The following PLA2G4A variants were observed in gnomAD, a reference collection of about 807,000 sequenced individuals.
PLA2G4A encodes the protein phospholipase A2 group IVA.
In PLA2G4A, 40 loss-of-function variants were observed where a neutral mutation model predicts 81.9. The observed-to-expected ratio is 0.49, with a 90% CI of 0.38 to 0.64. The LOEUF is 0.64. Among genes scored for constraint, PLA2G4A ranks in the 30% least tolerant of loss-of-function variants. The pLI is 0.00. For synonymous variants in PLA2G4A, 302 were observed against 296.9 expected (o/e 1.02, Z -0.18); for missense variants, 715 against 905.1 (o/e 0.79, Z 2.69).
chr1:186,875,305 A>G (rs1558389313), intron 3 of PLA2G4A, among the ~76,000 whole-genome samples: 4 of 152,086 alleles, frequency 2.6e-5, no homozygotes. Context: ...TGAATACATT[A>G]ATACTGTTTA....
chr1:186,852,873 A>T (rs900950693), intron 1 of PLA2G4A, among the ~76,000 whole-genome samples: 1 of 152,106 alleles, frequency 6.6e-6, no homozygotes, highest in Admixed American at 6.6e-5. Context: ...CAAAACAAAG[A>T]TTATAGTAAT....
chr1:186,856,857 T>C (rs984438420), intron 2 of PLA2G4A, among the ~76,000 whole-genome samples: 2 of 151,230 alleles, frequency 1.3e-5, no homozygotes, highest in Non-Finnish European at 2.9e-5. Context: ...ATGACTTTTC[T>C]GAATTGGAAA....
intron 2 of PLA2G4A, among the ~76,000 whole-genome samples, chr1:186,868,231 T>G (rs2102054669): frequency 6.6e-6 from 1 of 151,928 alleles, no homozygotes; most frequent in East Asian, 1.9e-4. Flanking sequence ...CACACCACCA[T>G]GCCCGGCTAA....
chr1:186,893,117 C>T lies in PLA2G4A; in HGVS notation c.222C>T (p.Thr74=), dbSNP rs1418975595. 1.2e-6 allele frequency: 2 copies of T among 1,612,230 alleles called. No individual in the cohort carries two copies. The highest frequency in any genetic ancestry group is 1.3e-5 in the African/African-American group (1 of 74,974). Residue 74 remains threonine (T), a synonymous_variant, in exon 4 of 18, where the codon ACC becomes ACT. Coordinates refer to ENST00000367466, the MANE Select transcript of PLA2G4A (RefSeq NM_024420.3). The part of the protein sequence containing the change: ...NNDINPVWNE[T]FEFILDPNQE... Reference sequence around the variant, plus strand: ...ACATAAACCCTGTGTGGAATGAGACCTTTGAATTTATTTTGGATCCTAATC... The same window carrying T: ...ACATAAACCCTGTGTGGAATGAGACTTTTGAATTTATTTTGGATCCTAATC...
chr1:186,955,882 C>G (rs1447584793), intron 13 of PLA2G4A, among the ~76,000 whole-genome samples: 2 of 144,786 alleles, frequency 1.4e-5, no homozygotes, highest in South Asian at 4.7e-4. Context: ...TAGAGGTGCA[C>G]GCCACCATGA....
At chr1:186,904,148 C>T (rs1654647505) in intron 5 of PLA2G4A, among the ~76,000 whole-genome samples, 1 of 152,176 alleles carries the variant, frequency 6.6e-6, no homozygotes, top group African/African-American at 2.4e-5. Context: ...CAATTGTAAA[C>T]ATCTAAAATT....
chr1:186,895,874 T>G (rs1448743875), intron 5 of PLA2G4A, among the ~76,000 whole-genome samples: 1 of 152,190 alleles, frequency 6.6e-6, no homozygotes, highest in Non-Finnish European at 1.5e-5. Flanking sequence ...AAAATAACAC[T>G]TAACTCTTCC....
At chr1:186,886,764 T>C (rs1182164913) in intron 3 of PLA2G4A, among the ~76,000 whole-genome samples, 1 of 152,178 alleles carries the variant, frequency 6.6e-6, no homozygotes, top group African/African-American at 2.4e-5. Flanking sequence ...GAAATAGAAG[T>C]AAATGACTGG....
chr1:186,974,666 T>C (rs1271309864), intron 15 of PLA2G4A, among the ~76,000 whole-genome samples: 1 of 152,242 alleles, frequency 6.6e-6, no homozygotes, highest in Non-Finnish European at 1.5e-5. Flanking sequence ...AATGGATAGC[T>C]ATCATAGAAC....
chr1:186,845,573 T>A (rs961893373), intron 1 of PLA2G4A, among the ~76,000 whole-genome samples: 1 of 152,170 alleles, frequency 6.6e-6, no homozygotes, highest in Admixed American at 6.6e-5. Context: ...TCCACGCGTC[T>A]ATACAATGAG....
intron 8 of PLA2G4A, among the ~76,000 whole-genome samples, chr1:186,933,979 CA>C (rs1424201296): frequency 2.0e-5 from 3 of 152,156 alleles, no homozygotes; most frequent in Admixed American, 2.0e-4. Context: ...AGTCATGAAA[CA>C]AAAACTTAGA....
chr1:186,916,171 A>G (rs1028881896), intron 7 of PLA2G4A, among the ~76,000 whole-genome samples: 2 of 12,428 alleles, frequency 1.6e-4, no homozygotes, highest in African/African-American at 2.0e-3. Flanking sequence ...GCGTTCGTAA[A>G]CTTCTCCTCC....
chr1:186,936,128 T>G (rs1390785573), intron 8 of PLA2G4A, among the ~76,000 whole-genome samples: 1 of 151,940 alleles, frequency 6.6e-6, no homozygotes, highest in Non-Finnish European at 1.5e-5. Flanking sequence ...CTGCCAAGTT[T>G]GTACAGTATT....
At chr1:186,919,875 G>A (rs946904558) in intron 7 of PLA2G4A, among the ~76,000 whole-genome samples, 2 of 152,182 alleles carry the variant, frequency 1.3e-5, no homozygotes, top group African/African-American at 4.8e-5. Flanking sequence ...CCCTGGCTTA[G>A]GGACAGGCAG....
At chr1:186,832,145 A>G (rs1430568239) in intron 1 of PLA2G4A, among the ~76,000 whole-genome samples, 1 of 152,110 alleles carries the variant, frequency 6.6e-6, no homozygotes, top group African/African-American at 2.4e-5. Flanking sequence ...TAGATAGATT[A>G]GTTTTCCACT....
chr1:186,859,381 T>A (rs1415506866), intron 2 of PLA2G4A, among the ~76,000 whole-genome samples: 1 of 152,192 alleles, frequency 6.6e-6, no homozygotes, highest in African/African-American at 2.4e-5. Flanking sequence ...TGAAGTTTTT[T>A]ATTTTTTTGA....
intron 15 of PLA2G4A, among the ~76,000 whole-genome samples, chr1:186,969,246 C>T (rs1657256106): frequency 7.1e-6 from 1 of 140,902 alleles, no homozygotes; most frequent in African/African-American, 2.6e-5. Context: ...TTCTCTTTTT[C>T]ATATCAGTTT....
chr1:186,940,242 T>C lies in PLA2G4A; in HGVS notation c.1033+148T>C, dbSNP rs145418197. ...AAGACTTTGAAGATATAAGAAAATA[T>C]TAAGTGAGATGATTTCCTGGTTGTA... On this transcript the variant is annotated intron_variant, in intron 10 of 17. Coordinates refer to ENST00000367466, the MANE Select transcript of PLA2G4A (RefSeq NM_024420.3). 7.6e-6 allele frequency: 5 copies of C among 655,136 alleles called. No individual in the cohort carries two copies. In the East Asian group the frequency reaches 1.4e-4, roughly 18 times the overall value. The allele number at this position is 655,136 out of a possible 1,614,324, so 40.6% of individuals were successfully genotyped here.
intron 7 of PLA2G4A, among the ~76,000 whole-genome samples, chr1:186,916,462 G>C (rs898927687): frequency 1.1e-4 from 17 of 152,074 alleles, no homozygotes; most frequent in African/African-American, 4.1e-4. Context: ...TGGTCATATA[G>C]CCTTTTTCCC....
Sources: allele counts gnomAD v4.1 joint callset (sites outside exome capture counted in the v4.1 genomes callset), GRCh38; gene constraint gnomAD v4.1.1; transcripts MANE v1.5; gene names NCBI Gene and HGNC (gene_info 2026-07-23, HGNC 2026-07-21).